The following EIF2AK4 variants were observed in gnomAD, a reference collection of about 807,000 sequenced individuals.
EIF2AK4 encodes the protein eukaryotic translation initiation factor 2 alpha kinase 4.
EIF2AK4 carries 139 observed loss-of-function variants against 211.1 expected under a neutral mutation model. That is an observed-to-expected ratio of 0.66 (90% CI 0.57 to 0.76). EIF2AK4 has a LOEUF of 0.76. Ranked by LOEUF, EIF2AK4 falls within the 30% of genes least tolerant of loss-of-function variation. EIF2AK4 has a pLI of 0.00. For synonymous variants in EIF2AK4, 710 were observed against 751.3 expected (o/e 0.94, Z 0.90); for missense variants, 1,664 against 2,043.8 (o/e 0.81, Z 3.58).
At chr15:40,016,968 G>A (rs1203773805) in intron 28 of EIF2AK4, 140 bp from the exon 29 acceptor site, 5 of 1,147,668 alleles carry the variant, frequency 4.4e-6, no homozygotes, top group Non-Finnish European at 6.2e-6. Context: ...AACAGACTTT[G>A]AGCTAGATCT....
At chr15:39,995,954 C>T (rs2035013079) in intron 18 of EIF2AK4, among the ~76,000 whole-genome samples, 1 of 152,214 alleles carries the variant, frequency 6.6e-6, no homozygotes, top group Admixed American at 6.5e-5. Flanking sequence ...CTTTAGATCT[C>T]CAGAATGTAT....
At chr15:40,008,342 G>A in intron 25 of EIF2AK4, 147 bp downstream of exon 25, 1 of 798,742 alleles carries the variant, frequency 1.3e-6, no homozygotes, top group South Asian at 2.1e-5. Context: ...AGAGCTTGCT[G>A]GTGTTGCTTT....
chr15:39,935,831 CA>C (rs1179816770), intron 1 of EIF2AK4, among the ~76,000 whole-genome samples: 1 of 152,316 alleles, frequency 6.6e-6, no homozygotes, highest in African/African-American at 2.4e-5. Context: ...TCCTTGCCCT[CA>C]GGGAGCTTAC....
At chr15:40,026,159 T>A in intron 33 of EIF2AK4, 70 bp downstream of exon 33, 2 of 1,407,576 alleles carry the variant, frequency 1.4e-6, no homozygotes, top group South Asian at 1.2e-5. Flanking sequence ...AAATTTATTT[T>A]AAAAGTCAAT....
chr15:39,967,326 T>C lies in EIF2AK4; in HGVS notation c.1018-18T>C. 1 of 1,523,806 alleles carries C rather than the reference T, an allele frequency of 6.6e-7. No individual in the cohort carries two copies. The highest frequency in any genetic ancestry group is 2.3e-5 in the East Asian group (1 of 42,980). The allele number at this position is 1,523,806 out of a possible 1,614,324, so 94.4% of individuals were successfully genotyped here. On this transcript the variant is annotated intron_variant, in intron 8 of 38. Transcript: ENST00000263791. ...TTGACTGGCCCAATATTCTTTTTTT[T>C]TTTTTTTAACTTATCAGATTCAAGG...
intron 13 of EIF2AK4, among the ~76,000 whole-genome samples, chr15:39,984,373 TC>T (rs2034835618): frequency 1.3e-5 from 2 of 151,824 alleles, no homozygotes; most frequent in African/African-American, 4.8e-5. Flanking sequence ...AAGTAGCTTT[TC>T]CTAATTCTGT....
intron 13 of EIF2AK4, among the ~76,000 whole-genome samples, chr15:39,984,835 C>T (rs941643339): frequency 1.3e-5 from 2 of 152,150 alleles, no homozygotes; most frequent in African/African-American, 4.8e-5. Context: ...TATTTTAATA[C>T]CCTTTATTTC....
At position 40,001,185 on chromosome 15, in the gene EIF2AK4, C is replaced by T. The variant is rs777664600; in HGVS notation, c.3120C>T (p.Ser1040=). 7 of 1,613,884 alleles carry T rather than the reference C, an allele frequency of 4.3e-6. No individual in the cohort carries two copies. Among genetic ancestry groups the T allele is most frequent in the Non-Finnish European group, 5.9e-6 (7 of 1,179,994 alleles). Residue 1040 remains serine (S), a synonymous_variant, in exon 21 of 39, where the codon TCC becomes TCT. Transcript: ENST00000263791. ...MMAQIFSQRI[S]PAIDYTYDSD... ...CCCAGATCTTCTCGCAGCGCATCTC[C>T]CCTGCCATCGATTACACCTATGACA... is the stretch of plus-strand genomic sequence containing the variant.
intron 21 of EIF2AK4, 141 bp from the exon 22 acceptor site, chr15:40,002,571 CA>C: frequency 1.2e-6 from 1 of 803,138 alleles, no homozygotes; most frequent in Non-Finnish European, 2.1e-6. Flanking sequence ...CTGATGTGTT[CA>C]AAGAGGGATG....
In EIF2AK4 at chr15:39,967,612, C is replaced by T. The variant is rs764527615; in HGVS notation, c.1286C>T (p.Ser429Phe). The change falls in exon 9 of 39, where the codon TCT (serine) becomes TTT (phenylalanine). Residue 429 changes from serine (S) to phenylalanine (F), a missense_variant. By Grantham distance (155) the Ser-to-Phe change is radical. Transcript: ENST00000263791. The stretch of plus-strand genomic sequence containing the variant: ...GTGGTGCATAAGGTCCTGAGTGCAT[C>T]TAATGTCTTGGTGGATGCAGAAGGC... ...NSVVHKVLSA[S>F]NVLVDAEGTV... The T allele has an allele frequency of 9.3e-6, 15 of 1,614,170 alleles. No homozygotes were observed. Among genetic ancestry groups the T allele is most frequent in the Non-Finnish European group, 1.3e-5 (15 of 1,180,030 alleles).
At position 40,002,746 on chromosome 15, in the gene EIF2AK4, C is replaced by T; in HGVS notation, c.3193C>T (p.Gln1065Ter). Residue 1065 changes from glutamine (Q) to a stop codon, truncating the protein, a stop_gained, in exon 22 of 39, where the codon CAG becomes TAG. Coordinates refer to ENST00000263791, the MANE Select transcript of EIF2AK4 (RefSeq NM_001013703.4). LOFTEE classifies it high-confidence loss of function. The part of the protein sequence containing the change: ...NFSIRTAKMQ[Q>*]HVCETIIRIF... ...CTCAATCCGTACAGCCAAGATGCAG[C>T]AGCATGTGTGTGAAACCATCATCCG... 1 of 1,614,208 alleles carries T rather than the reference C, an allele frequency of 6.2e-7. No individual in the cohort carries two copies. The highest frequency in any genetic ancestry group is 8.5e-7 in the Non-Finnish European group (1 of 1,180,030).
intron 12 of EIF2AK4, 126 bp from the exon 13 acceptor site, chr15:39,977,952 T>C (rs2034724255): frequency 3.4e-6 from 2 of 580,310 alleles, no homozygotes; most frequent in Non-Finnish European, 6.2e-6. Flanking sequence ...AGAGTATACA[T>C]TGATGCCTGT....
chr15:40,017,501 CTATATATATATATA>C (rs202237104), intron 29 of EIF2AK4, among the ~76,000 whole-genome samples: 466 of 26,070 alleles, frequency 0.018, 16 homozygotes, highest in South Asian at 0.041. Flanking sequence ...TACTCTGTTT[CTATATATATATATA>C]TATATATATA....
rs771302837 is a variant in EIF2AK4, at chr15:39,955,680, G to A, written c.655G>A (p.Gly219Arg). The change falls in exon 6 of 39, where the codon GGA becomes AGA. Residue 219 changes from glycine to arginine, a missense_variant. By Grantham distance (125) the Gly-to-Arg change is moderately radical. Transcript: ENST00000263791. ...TCATACCTCTAAGAAGGACCCAGGA[G>A]GACACAGAACGGCTGCCATTCTACA... ...QDHTSKKDPGGHRTAAILHGG... is the reference protein window; with the variant it reads ...QDHTSKKDPGRHRTAAILHGG... The A allele has an allele frequency of 1.7e-5, 27 of 1,613,100 alleles. 1 individual carries two copies. In the South Asian group the frequency reaches 2.3e-4, roughly 14 times the overall value.
At chr15:40,007,834 G>A (rs545272994) in intron 24 of EIF2AK4, among the ~76,000 whole-genome samples, 193 bp from the exon 25 acceptor site, 4 of 152,258 alleles carry the variant, frequency 2.6e-5, no homozygotes, top group African/African-American at 9.6e-5. Context: ...TAGCTTAATA[G>A]TGGCAAAACT....
intron 18 of EIF2AK4, among the ~76,000 whole-genome samples, chr15:39,995,204 C>T (rs935993771): frequency 9.9e-5 from 15 of 151,860 alleles, no homozygotes; most frequent in Non-Finnish European, 1.9e-4. Flanking sequence ...AATAAATATC[C>T]CTGAGTGGTG....
At chr15:39,947,048 C>T (rs906564710) in intron 3 of EIF2AK4, among the ~76,000 whole-genome samples, 1 of 152,044 alleles carries the variant, frequency 6.6e-6, no homozygotes, top group Non-Finnish European at 1.5e-5. Context: ...TGGAACTGAA[C>T]CTGCCATGTC....
At chr15:39,988,310 G>A (rs2034894816) in intron 15 of EIF2AK4, among the ~76,000 whole-genome samples, 1 of 152,204 alleles carries the variant, frequency 6.6e-6, no homozygotes, top group Non-Finnish European at 1.5e-5. Flanking sequence ...ATTAAAAAAT[G>A]TTAAGAAAAC....
intron 7 of EIF2AK4, 61 bp from the exon 8 acceptor site, chr15:39,965,625 T>A (rs1202243012): frequency 3.2e-6 from 5 of 1,586,266 alleles, no homozygotes; most frequent in Non-Finnish European, 3.4e-6. Flanking sequence ...CCCCCTCCCT[T>A]CCTTCCCCCA....
Sources: gnomAD v4.1 joint callset for allele counts (sites outside exome capture counted in the v4.1 genomes callset) on GRCh38, gnomAD v4.1.1 for gene constraint, MANE v1.5 for transcripts, NCBI Gene and HGNC (gene_info 2026-07-23, HGNC 2026-07-21) for gene names.